Variants in CHRM3 observed in about 807,000 individuals in gnomAD.
CHRM3 encodes the protein cholinergic receptor muscarinic 3.
CHRM3 carries 11 observed loss-of-function variants against 41.8 expected under a neutral mutation model. The observed-to-expected ratio is 0.26, with a 90% confidence interval of 0.17 to 0.44. The LOEUF is 0.44. Ranked by LOEUF, CHRM3 falls within the 20% of genes least tolerant of loss-of-function variation. The pLI, the probability that CHRM3 is intolerant of heterozygous loss-of-function variation, is 1.00. For synonymous variants in CHRM3, 297 were observed against 301.4 expected, an observed-to-expected ratio of 0.99 and a Z score of 0.15; for missense variants, 571 against 745.4, an observed-to-expected ratio of 0.77 and a Z score of 2.72.
At chr1:239,459,890 G>A (rs1045186625) in intron 1 of CHRM3, among the ~76,000 whole-genome samples, 1 of 152,110 alleles carries the variant, frequency 6.6e-6, no homozygotes, top group Admixed American at 6.6e-5. Context: ...CCTAAAAGTT[G>A]TCAACATTTG....
intron 3 of CHRM3, among the ~76,000 whole-genome samples, chr1:239,561,703 T>C (rs1488083172): frequency 6.6e-6 from 1 of 152,022 alleles, no homozygotes; most frequent in Non-Finnish European, 1.5e-5. Context: ...ATATTACTGA[T>C]AATTAATAAT....
intron 1 of CHRM3, among the ~76,000 whole-genome samples, chr1:239,412,549 G>C (rs1244664853): frequency 2.7e-5 from 4 of 150,784 alleles, no homozygotes; most frequent in Admixed American, 2.7e-4. Flanking sequence ...TCAGGTACGT[G>C]CCTCTGCTGG....
chr1:239,888,785 T>G (rs1678289055), intron 6 of CHRM3, among the ~76,000 whole-genome samples: 1 of 152,112 alleles, frequency 6.6e-6, no homozygotes, highest in African/African-American at 2.4e-5. Flanking sequence ...AATTGGCCAG[T>G]GTTAAGGGAA....
At chr1:239,836,995 G>A (rs1219943646) in intron 6 of CHRM3, among the ~76,000 whole-genome samples, 5 of 151,802 alleles carry the variant, frequency 3.3e-5, no homozygotes, top group Non-Finnish European at 5.9e-5. Context: ...AAAAAGATGG[G>A]TGAAGGGGAG....
chr1:239,630,519 C>A (rs187141323), intron 3 of CHRM3, among the ~76,000 whole-genome samples: 213 of 152,230 alleles, frequency 1.4e-3, no homozygotes, highest in South Asian at 4.1e-3. Context: ...ATTGTATGCT[C>A]ATCAGCATGC....
At chr1:239,470,529 C>T (rs1460408808) in intron 1 of CHRM3, among the ~76,000 whole-genome samples, 1 of 152,134 alleles carries the variant, frequency 6.6e-6, no homozygotes, top group Non-Finnish European at 1.5e-5. Flanking sequence ...GGGAAGCAAC[C>T]CAGAATTGTG....
chr1:239,536,258 G>A (rs1658186036), intron 2 of CHRM3, among the ~76,000 whole-genome samples: 1 of 152,190 alleles, frequency 6.6e-6, no homozygotes, highest in Non-Finnish European at 1.5e-5. Flanking sequence ...TGAGGAGCAT[G>A]TGACTTGAAT....
intron 4 of CHRM3, among the ~76,000 whole-genome samples, chr1:239,645,526 A>G (rs1290124440): frequency 1.3e-5 from 2 of 152,228 alleles, no homozygotes; most frequent in East Asian, 1.9e-4. Flanking sequence ...GAAAATCCAA[A>G]TCAGGAACAA....
intron 4 of CHRM3, among the ~76,000 whole-genome samples, chr1:239,644,441 C>T (rs1671554016): frequency 6.6e-6 from 1 of 152,160 alleles, no homozygotes. Flanking sequence ...AACTTCTCCC[C>T]ACGTCGTCAT....
intron 3 of CHRM3, among the ~76,000 whole-genome samples, chr1:239,616,647 C>A (rs77053649): frequency 6.6e-6 from 1 of 152,092 alleles, no homozygotes; most frequent in Non-Finnish European, 1.5e-5. Context: ...CTGAGAACAG[C>A]TGTACAACAG....
At chr1:239,478,250 T>A (rs1163679382) in intron 1 of CHRM3, among the ~76,000 whole-genome samples, 1 of 152,192 alleles carries the variant, frequency 6.6e-6, no homozygotes, top group Non-Finnish European at 1.5e-5. Flanking sequence ...TTAGGTAAGA[T>A]GAACTCATCC....
At chr1:239,518,259 G>A (rs1391590158) in intron 2 of CHRM3, among the ~76,000 whole-genome samples, 1 of 152,184 alleles carries the variant, frequency 6.6e-6, no homozygotes, top group Non-Finnish European at 1.5e-5. Context: ...TTAAATATAT[G>A]CAGGAGAATA....
intron 5 of CHRM3, among the ~76,000 whole-genome samples, chr1:239,747,444 C>G (rs1665464226): frequency 6.6e-6 from 1 of 152,044 alleles, no homozygotes; most frequent in Non-Finnish European, 1.5e-5. Context: ...ATTCAGGATC[C>G]TAGGAGGTTT....
At position 239,429,447 on chromosome 1, in the gene CHRM3, G is replaced by A. The variant is rs1662649529; in HGVS notation, c.-521+42220G>A. 2.0e-5 allele frequency among the ~76,000 whole-genome samples: 3 copies of A among 152,082 alleles called. No homozygotes were observed. In the South Asian group the frequency reaches 6.2e-4, roughly 31 times the overall value. ...CTGTGATTTATTTCAATCTAATCGT[G>A]ATTTACTATAATTCTGTACTTCAAA... On this transcript the variant is annotated intron_variant, in intron 1 of 6. Coordinates refer to ENST00000676153, the MANE Select transcript of CHRM3 (RefSeq NM_001375978.1).
chr1:239,475,884 C>T (rs192398100), intron 1 of CHRM3, among the ~76,000 whole-genome samples: 1 of 151,930 alleles, frequency 6.6e-6, no homozygotes, highest in Non-Finnish European at 1.5e-5. Context: ...AAAATAATGC[C>T]ATGGAGTGGA....
At chr1:239,587,480 T>C (rs10925920) in intron 3 of CHRM3, among the ~76,000 whole-genome samples, 125,176 of 152,044 alleles carry the variant, frequency 0.82, 53,832 homozygotes, top group Non-Finnish European at 0.93. Flanking sequence ...TTTTTCTCAT[T>C]GAAAATTTTC....
intron 5 of CHRM3, among the ~76,000 whole-genome samples, chr1:239,802,878 AT>A (rs773761801): frequency 6.6e-6 from 1 of 152,180 alleles, no homozygotes; most frequent in Non-Finnish European, 1.5e-5. Context: ...GATTATAGGC[AT>A]GAGCCACCTC....
At chr1:239,824,994 T>C (rs894656046) in intron 5 of CHRM3, among the ~76,000 whole-genome samples, 1 of 152,240 alleles carries the variant, frequency 6.6e-6, no homozygotes, top group Non-Finnish European at 1.5e-5. Context: ...AGTTCATGCA[T>C]TCATTCATGT....
intron 5 of CHRM3, among the ~76,000 whole-genome samples, chr1:239,689,466 A>G (rs1659499125): frequency 6.6e-6 from 1 of 152,200 alleles, no homozygotes; most frequent in African/African-American, 2.4e-5. Context: ...ATTTTTTAAT[A>G]AGAGTTAAAA....
Sources: gnomAD v4.1 joint callset for allele counts (sites outside exome capture counted in the v4.1 genomes callset) on GRCh38, gnomAD v4.1.1 for gene constraint, MANE v1.5 for transcripts, NCBI Gene and HGNC (gene_info 2026-07-23, HGNC 2026-07-21) for gene names.